The following TMEM117 variants were observed in gnomAD, a reference collection of about 807,000 sequenced individuals.
TMEM117 encodes transmembrane protein 117.
In TMEM117, 27 loss-of-function variants were observed where a neutral mutation model predicts 52.4. The ratio of observed to expected loss-of-function variants is 0.51; its 90% CI spans 0.38 to 0.71. The LOEUF (loss-of-function observed/expected upper bound fraction) is 0.71, where lower values mean the gene tolerates loss of function less well. TMEM117 is among the 30% of genes least tolerant of loss of function. TMEM117 has a pLI of 0.00. For synonymous variants in TMEM117, 215 were observed against 206.3 expected (o/e 1.04, Z -0.36); for missense variants, 556 against 630.5 (o/e 0.88, Z 1.26).
At position 44,265,683 on chromosome 12, in the gene TMEM117, A is replaced by G. The variant is rs1424216383; in HGVS notation, c.609-33897A>G. Among the ~76,000 whole-genome samples the G allele has an allele frequency of 2.0e-5, 3 of 152,140 alleles. 1 individual carries two copies. Among genetic ancestry groups the G allele is most frequent in the Middle Eastern group, 6.3e-3 (2 of 316 alleles). On this transcript the variant is annotated intron_variant, in intron 5 of 7. Transcript: ENST00000266534. ...TTTAGGGCTTTCATAATACTGTACA[A>G]CCACTCTCTCTGATTCTGAAACATT...
the TMEM117 span, chr12:43,799,324 C>T: frequency 1.9e-5 from 18 of 967,782 alleles, no homozygotes; most frequent in Non-Finnish European, 3.1e-6. Context: ...AGTTATCCTC[C>T]CACATCTATT....
chr12:44,326,624 G>T (rs1319313683), intron 6 of TMEM117, among the ~76,000 whole-genome samples: 1 of 152,168 alleles, frequency 6.6e-6, no homozygotes, highest in Admixed American at 6.5e-5. Context: ...GAAATTCAGG[G>T]CATCAAATCC....
chr12:44,043,381 T>G (rs180721310), intron 3 of TMEM117, among the ~76,000 whole-genome samples: 1 of 151,992 alleles, frequency 6.6e-6, no homozygotes, highest in Non-Finnish European at 1.5e-5. Context: ...TAAAGTGAGG[T>G]CATTGATTGG....
chr12:44,387,549 A>G lies in TMEM117; in HGVS notation c.899-477A>G, dbSNP rs12309926. Among the ~76,000 whole-genome samples the G allele has an allele frequency of 2.5e-3, 380 of 152,190 alleles. 6 individuals are homozygous for G. The highest frequency in any genetic ancestry group is 7.7e-3 in the African/African-American group (321 of 41,524). Reference sequence around the variant, plus strand: ...ATCAACAGGTCACCTACAAACAGCAATATGAATTAATTTGATATACTGCTG... The same window carrying G: ...ATCAACAGGTCACCTACAAACAGCAGTATGAATTAATTTGATATACTGCTG... On this transcript the variant is annotated intron_variant, in intron 7 of 7. Transcript: ENST00000266534.
chr12:44,006,377 A>G (rs969903765), intron 3 of TMEM117, among the ~76,000 whole-genome samples: 4 of 152,188 alleles, frequency 2.6e-5, no homozygotes, highest in African/African-American at 4.8e-5. Flanking sequence ...ACATTGTGGT[A>G]GTGGGTACTT....
chr12:44,156,843 A>G (rs934293074), intron 4 of TMEM117, among the ~76,000 whole-genome samples: 4 of 152,108 alleles, frequency 2.6e-5, no homozygotes, highest in African/African-American at 9.7e-5. Context: ...ACGAGGCAAT[A>G]TAAGTGCTCA....
the TMEM117 span, among the ~76,000 whole-genome samples, chr12:43,795,937 A>C: frequency 6.6e-6 from 1 of 152,202 alleles, no homozygotes; most frequent in African/African-American, 2.4e-5. Context: ...TTGAATATAT[A>C]ATCAGCTACA....
At chr12:43,961,267 G>T (rs1323846499) in intron 3 of TMEM117, among the ~76,000 whole-genome samples, 2 of 91,516 alleles carry the variant, frequency 2.2e-5, no homozygotes, top group South Asian at 9.5e-4. Flanking sequence ...AATATTAATT[G>T]CTGTAATTAA....
chr12:44,255,159 T>G (rs1950245195), intron 5 of TMEM117, among the ~76,000 whole-genome samples: 1 of 152,206 alleles, frequency 6.6e-6, no homozygotes, highest in Admixed American at 6.6e-5. Flanking sequence ...TTTATAATCC[T>G]TTGGATATAT....
downstream of TMEM117, among the ~76,000 whole-genome samples, chr12:44,392,470 G>T (rs1034037494): frequency 6.6e-6 from 1 of 152,072 alleles, no homozygotes; most frequent in East Asian, 1.9e-4. Flanking sequence ...CTGACTGAGG[G>T]TATTACATAA....
At chr12:44,274,823 A>T (rs991646353) in intron 5 of TMEM117, among the ~76,000 whole-genome samples, 3 of 152,186 alleles carry the variant, frequency 2.0e-5, no homozygotes, top group African/African-American at 7.2e-5. Context: ...AAAGATTTAA[A>T]TCCAAGACTT....
chr12:44,187,590 C>T (rs1949295651), intron 4 of TMEM117, among the ~76,000 whole-genome samples: 1 of 152,128 alleles, frequency 6.6e-6, no homozygotes, highest in African/African-American at 2.4e-5. Context: ...GGAGGAATTT[C>T]ACAGTCTAAT....
intron 3 of TMEM117, among the ~76,000 whole-genome samples, chr12:44,068,330 T>C (rs1290667535): frequency 1.3e-5 from 2 of 152,236 alleles, no homozygotes; most frequent in East Asian, 1.9e-4. Flanking sequence ...CTTGGCTAAC[T>C]GGTGCTAAGG....
At chr12:44,080,672 C>T (rs1166415988) in intron 3 of TMEM117, among the ~76,000 whole-genome samples, 1 of 151,982 alleles carries the variant, frequency 6.6e-6, no homozygotes, top group Non-Finnish European at 1.5e-5. Flanking sequence ...GGATGATTTT[C>T]ACGTTTTTAA....
chr12:44,211,903 A>C (rs556970338), intron 5 of TMEM117, among the ~76,000 whole-genome samples: 1 of 152,218 alleles, frequency 6.6e-6, no homozygotes, highest in East Asian at 1.9e-4. Context: ...TGAAGTCACC[A>C]TTATTTATGT....
chr12:44,361,187 C>T (rs1490500937), intron 6 of TMEM117, among the ~76,000 whole-genome samples: 1 of 152,100 alleles, frequency 6.6e-6, no homozygotes, highest in Non-Finnish European at 1.5e-5. Context: ...AAACTAAAAA[C>T]TCCACGCTAT....
chr12:44,042,750 C>T (rs1321769098), intron 3 of TMEM117, among the ~76,000 whole-genome samples: 1 of 136,072 alleles, frequency 7.3e-6, no homozygotes, highest in African/African-American at 2.8e-5. Flanking sequence ...GTAAGTTAAT[C>T]CTTAATAAAC....
intron 3 of TMEM117, chr12:44,009,725 G>T: frequency 3.9e-6 from 1 of 257,028 alleles, no homozygotes; most frequent in Non-Finnish European, 8.3e-6. Flanking sequence ...CAGCTCATGG[G>T]CTGTGACCTT....
At position 43,862,209 on chromosome 12, in the gene TMEM117, C is replaced by T. The variant is rs528875392; in HGVS notation, c.277+17281C>T. On this transcript the variant is annotated intron_variant, in intron 2 of 7. Coordinates refer to ENST00000266534, the MANE Select transcript of TMEM117 (RefSeq NM_032256.3). ...TTTGAGATGGAGTCTTGTTCCTTTG[C>T]CCAGGCTGGAGTGCAGTGGTGTGCT... is the stretch of plus-strand genomic sequence containing the variant. Among the ~76,000 whole-genome samples the T allele has an allele frequency of 2.6e-5, 4 of 152,274 alleles. No homozygotes were observed. In the East Asian group the frequency reaches 7.7e-4, roughly 29 times the overall value.
Sources: allele counts gnomAD v4.1 joint callset (sites outside exome capture counted in the v4.1 genomes callset), GRCh38; gene constraint gnomAD v4.1.1; transcripts MANE v1.5; gene names NCBI Gene and HGNC (gene_info 2026-07-23, HGNC 2026-07-21).